The following MAGI1 variants were observed in gnomAD, a reference collection of about 807,000 sequenced individuals.
The protein encoded by MAGI1 is membrane associated guanylate kinase, WW and PDZ domain containing 1, also known as membrane-associated guanylate kinase, WW and PDZ domain-containing protein 1.
MAGI1 carries 58 observed loss-of-function variants against 139.9 expected under a neutral mutation model. The observed-to-expected ratio is 0.41, with a 90% CI of 0.34 to 0.52. MAGI1 has a LOEUF of 0.52. MAGI1 is among the 20% of genes least tolerant of loss of function. The pLI is 0.12. For synonymous variants in MAGI1, 812 were observed against 737.9 expected (o/e 1.10, Z -1.63); for missense variants, 1,874 against 1,901.6 (o/e 0.99, Z 0.27).
intron 1 of MAGI1, among the ~76,000 whole-genome samples, chr3:65,881,052 A>AT (rs2060309144): frequency 1.3e-5 from 2 of 151,616 alleles, no homozygotes; most frequent in Admixed American, 1.3e-4. Flanking sequence ...GGGCTACCTA[A>AT]TTTTAGTATT....
At position 65,779,985 on chromosome 3, in the gene MAGI1, G is replaced by C. The variant is rs192306619; in HGVS notation, c.314-157897C>G. ...ACACATTTGACAAACTTGAAAAGGGGGTGGTCCTGAGATCTGAGAACATGC... is the reference window on the plus strand; with the variant it reads ...ACACATTTGACAAACTTGAAAAGGGCGTGGTCCTGAGATCTGAGAACATGC... On this transcript the variant is annotated intron_variant, in intron 1 of 22. Transcript: ENST00000402939. Among the ~76,000 whole-genome samples, 1,229 of 149,394 alleles carry C rather than the reference G, an allele frequency of 8.2e-3. 5 individuals carry two copies. The highest frequency in any genetic ancestry group is 0.016 in the South Asian group (72 of 4,642).
intron 1 of MAGI1, among the ~76,000 whole-genome samples, chr3:65,681,724 C>G (rs916399041): frequency 6.6e-6 from 1 of 152,176 alleles, no homozygotes; most frequent in South Asian, 2.1e-4. Flanking sequence ...ATATCTTCAT[C>G]CCCATTCTCA....
chr3:65,594,240 C>T (rs910728445), intron 2 of MAGI1, among the ~76,000 whole-genome samples: 4 of 152,136 alleles, frequency 2.6e-5, no homozygotes, highest in African/African-American at 7.2e-5. Flanking sequence ...GGATTGAGTG[C>T]CATTTTTATC....
intron 2 of MAGI1, among the ~76,000 whole-genome samples, chr3:65,515,523 A>AT (rs1391257372): frequency 6.6e-6 from 1 of 152,196 alleles, no homozygotes; most frequent in Non-Finnish European, 1.5e-5. Context: ...AATTCACACA[A>AT]TAGGGCCTGA....
Position 65,429,859 on chromosome 3 carries a change from G to A in MAGI1, c.1828C>T (p.Pro610Ser). The change falls in exon 12 of 23, where the codon CCA (proline) becomes TCA (serine). Residue 610 changes from proline (P) to serine (S), a missense_variant. This residue lies in a region of MAGI1 where 482 missense variants were observed against 509.6 expected (regional missense o/e 0.95). Transcript: ENST00000402939. ...GAAGCCACGTCCGCTGGGCTGCTTG[G>A]CCTGGCATCCTTCATGCCATTGACT... ...GKVNGMKDAR[P>S]SSPADVASNS... is the part of the protein sequence containing the mutation. The A allele has an allele frequency of 6.2e-7, 1 of 1,614,026 alleles. No individual in the cohort carries two copies. Among genetic ancestry groups the A allele is most frequent in the Non-Finnish European group, 8.5e-7 (1 of 1,179,970 alleles).
intron 2 of MAGI1, among the ~76,000 whole-genome samples, chr3:65,499,688 A>G (rs1362730156): frequency 1.3e-5 from 2 of 152,198 alleles, no homozygotes; most frequent in Admixed American, 6.5e-5. Context: ...ATGTGCACTG[A>G]AGTGATATAA....
rs552577866 is a variant in MAGI1, at chr3:65,377,574, C to T, written c.2996-1629G>A. 5.9e-5 allele frequency among the ~76,000 whole-genome samples: 9 copies of T among 152,186 alleles called. 1 individual carries two copies. The highest frequency in any genetic ancestry group is 7.3e-5 in the Non-Finnish European group (5 of 68,034). Reference sequence around the variant, plus strand: ...CTGACAATTCTGAAATAGTTAGGAACGTCACAGGATGCATGGAGACAGTCA... The same window carrying T: ...CTGACAATTCTGAAATAGTTAGGAATGTCACAGGATGCATGGAGACAGTCA... On this transcript the variant is annotated intron_variant, in intron 17 of 22. Coordinates refer to ENST00000402939, the MANE Select transcript of MAGI1 (RefSeq NM_001033057.2).
intron 12 of MAGI1, among the ~76,000 whole-genome samples, chr3:65,421,019 C>G (rs2107275561): frequency 6.6e-6 from 1 of 152,218 alleles, no homozygotes; most frequent in South Asian, 2.1e-4. Flanking sequence ...GATCAAAAAT[C>G]CGTAAAGAAA....
intron 2 of MAGI1, among the ~76,000 whole-genome samples, chr3:65,545,202 T>C (rs1417399721): frequency 6.6e-6 from 1 of 152,028 alleles, no homozygotes; most frequent in Non-Finnish European, 1.5e-5. Context: ...ATTTAACACC[T>C]ATCCCAAAAT....
At chr3:65,443,112 T>C (rs555791370) in intron 7 of MAGI1, among the ~76,000 whole-genome samples, 4 of 152,348 alleles carry the variant, frequency 2.6e-5, no homozygotes, top group South Asian at 4.1e-4. Flanking sequence ...TAAATCACTA[T>C]TAAATTAGAT....
intron 1 of MAGI1, among the ~76,000 whole-genome samples, chr3:65,996,592 C>G (rs2066463257): frequency 6.7e-6 from 1 of 149,314 alleles, no homozygotes. Context: ...TCCAGTCTGA[C>G]AGTCTGAAAA....
At position 65,356,510 on chromosome 3, in the gene MAGI1, G is replaced by C. The variant is rs1940202447; in HGVS notation, c.4257C>G (p.Asn1419Lys). ...RRRERSLDKR[N>K]REDRASHRER... The stretch of plus-strand genomic sequence containing the variant: ...CTCGGTGGCTGGCTCTGTCCTCTCT[G>C]TTCCTTTTGTCCAGGGACCGCTCTC... The change falls in exon 23 of 23, where the codon AAC becomes AAG. Residue 1419 changes from asparagine (N) to lysine (K), a missense_variant. Physicochemically the swap from Asn to Lys is moderately conservative, Grantham distance 94 (BLOSUM62 0). Transcript: ENST00000402939. 3.7e-6 allele frequency: 6 copies of C among 1,610,096 alleles called. No individual in the cohort carries two copies. In the South Asian group the frequency reaches 6.6e-5, roughly 18 times the overall value.
At chr3:65,469,181 T>C (rs1458583411) in intron 5 of MAGI1, among the ~76,000 whole-genome samples, 1 of 152,156 alleles carries the variant, frequency 6.6e-6, no homozygotes, top group Non-Finnish European at 1.5e-5. Flanking sequence ...GTAGGATATG[T>C]GTGTATACAT....
intron 2 of MAGI1, among the ~76,000 whole-genome samples, chr3:65,553,411 T>C (rs1016616531): frequency 6.6e-6 from 1 of 152,240 alleles, no homozygotes; most frequent in Admixed American, 6.5e-5. Flanking sequence ...AGTTTGGCTT[T>C]GAAAAAAAAA....
intron 1 of MAGI1, among the ~76,000 whole-genome samples, chr3:65,822,575 G>T (rs193098878): frequency 1.3e-4 from 20 of 152,076 alleles, no homozygotes; most frequent in Admixed American, 1.1e-3. Flanking sequence ...AATACCTGAG[G>T]CTGGGTAATT....
intron 2 of MAGI1, among the ~76,000 whole-genome samples, chr3:65,502,057 G>A (rs1430761698): frequency 6.6e-6 from 1 of 152,220 alleles, no homozygotes; most frequent in Non-Finnish European, 1.5e-5. Flanking sequence ...TTAGGGAAAG[G>A]AGGAGGACAC....
chr3:65,393,059 G>A (rs150828225), intron 13 of MAGI1, among the ~76,000 whole-genome samples: 2 of 152,264 alleles, frequency 1.3e-5, no homozygotes, highest in Admixed American at 6.5e-5. Flanking sequence ...ATAATCCCAC[G>A]TCACCATTTT....
At chr3:65,507,671 G>C (rs927147882) in intron 2 of MAGI1, among the ~76,000 whole-genome samples, 1 of 152,126 alleles carries the variant, frequency 6.6e-6, no homozygotes, top group East Asian at 1.9e-4. Flanking sequence ...TGGACTTGGA[G>C]CAACGGCAAA....
intron 1 of MAGI1, among the ~76,000 whole-genome samples, chr3:65,857,801 G>C (rs2059419303): frequency 6.6e-6 from 1 of 152,186 alleles, no homozygotes; most frequent in African/African-American, 2.4e-5. Flanking sequence ...TGCTTTACCT[G>C]TGTGACATTC....
Sources: allele counts gnomAD v4.1 joint callset (sites outside exome capture counted in the v4.1 genomes callset), GRCh38; gene constraint gnomAD v4.1.1; regional missense constraint gnomAD v4.1.1; transcripts MANE v1.5; gene names NCBI Gene and HGNC (gene_info 2026-07-23, HGNC 2026-07-21).